ANK2: variants seen among roughly 807,000 people sequenced by gnomAD.
The protein encoded by ANK2 is ankyrin-2.
Under a neutral mutation model 360.5 loss-of-function variants are expected in ANK2, and 83 were observed. The ratio of observed to expected loss-of-function variants is 0.23; its 90% CI spans 0.19 to 0.28. ANK2 has a LOEUF of 0.28. Among genes scored for constraint, ANK2 ranks in the 10% least tolerant of loss-of-function variants. The pLI is 1.00. For synonymous variants in ANK2, 1,740 were observed against 1,759.5 expected (o/e 0.99, Z 0.28); for missense variants, 4,201 against 4,795.7 (o/e 0.88, Z 3.66).
Position 113,286,553 on chromosome 4 carries a change from C to T in ANK2, c.2080-1052C>T, listed in dbSNP as rs114528756. 5.6e-3 allele frequency among the ~76,000 whole-genome samples: 850 copies of T among 152,292 alleles called. 7 individuals carry two copies. The highest frequency in any genetic ancestry group is 0.019 in the African/African-American group (805 of 41,566). ...TTTGAAGAACATGGCTTAGCTTTCT[C>T]AGCCTAAGTGCTAATGCAGGAGAGT... On this transcript the variant is annotated intron_variant, in intron 18 of 45. Coordinates refer to ENST00000357077, the MANE Select transcript of ANK2 (RefSeq NM_001148.6).
intron 2 of ANK2, among the ~76,000 whole-genome samples, chr4:112,993,224 C>T (rs75870428): frequency 0.071 from 10,740 of 152,040 alleles, 916 homozygotes; most frequent in East Asian, 0.25. Context: ...GTCGAGGCTA[C>T]GGTGAGCCAT....
At chr4:112,773,787 A>C in the ANK2 span, among the ~76,000 whole-genome samples, 1 of 151,516 alleles carries the variant, frequency 6.6e-6, no homozygotes, top group Non-Finnish European at 1.5e-5. Context: ...ATTTTATTTT[A>C]TTTTATTTTA....
intron 1 of ANK2, among the ~76,000 whole-genome samples, chr4:113,167,656 A>G (rs1252496671): frequency 6.6e-6 from 1 of 152,182 alleles, no homozygotes; most frequent in Non-Finnish European, 1.5e-5. Context: ...ATACAGAAAA[A>G]TGCATAAATT....
rs141204762 is a variant in ANK2 at position 113,144,857 on chromosome 4, C to A, written c.85-29559C>A. On this transcript the variant is annotated intron_variant, in intron 1 of 45. Coordinates refer to ENST00000357077, the MANE Select transcript of ANK2 (RefSeq NM_001148.6). ...TATATATATATAGTTTTAGAGGAAACCCTAATGGAGGAATAAAGCTTAATC... is the reference window on the plus strand; with the variant it reads ...TATATATATATAGTTTTAGAGGAAAACCTAATGGAGGAATAAAGCTTAATC... 8.1e-5 allele frequency among the ~76,000 whole-genome samples: 12 copies of A among 147,744 alleles called. No individual in the cohort carries two copies. In the East Asian group the frequency reaches 2.3e-3, roughly 29 times the overall value.
intron 33 of ANK2, among the ~76,000 whole-genome samples, chr4:113,342,569 A>G (rs1426255590): frequency 6.6e-6 from 1 of 152,090 alleles, no homozygotes. Flanking sequence ...GCGTGGTGGC[A>G]GATGCCTGTA....
intron 1 of ANK2, among the ~76,000 whole-genome samples, chr4:112,859,532 A>T (rs1179548428): frequency 6.6e-6 from 1 of 152,230 alleles, no homozygotes; most frequent in African/African-American, 2.4e-5. Context: ...TCCAGCCCTC[A>T]GGGAGGAGAG....
At chr4:113,217,688 A>T (rs921344857) in intron 4 of ANK2, among the ~76,000 whole-genome samples, 1 of 152,096 alleles carries the variant, frequency 6.6e-6, no homozygotes, top group Non-Finnish European at 1.5e-5. Flanking sequence ...GGTGGAGCTC[A>T]GGCGGTAATG....
chr4:113,164,033 T>C (rs2097662614), intron 1 of ANK2, among the ~76,000 whole-genome samples: 1 of 152,098 alleles, frequency 6.6e-6, no homozygotes, highest in Non-Finnish European at 1.5e-5. Flanking sequence ...CACTTACCAG[T>C]TTTTCATCTC....
the ANK2 span, among the ~76,000 whole-genome samples, chr4:112,774,774 C>A: frequency 6.6e-6 from 1 of 152,216 alleles, no homozygotes; most frequent in African/African-American, 2.4e-5. Context: ...GAGACCACCA[C>A]ATCATTTAAG....
chr4:113,240,329 C>T (rs1028205856), intron 7 of ANK2, among the ~76,000 whole-genome samples, 156 bp from the exon 8 acceptor site: 2 of 152,082 alleles, frequency 1.3e-5, no homozygotes, highest in Admixed American at 1.3e-4. Flanking sequence ...TAGTTATGTA[C>T]CACCTTATAA....
Position 113,264,969 on chromosome 4 carries a change from G to A in ANK2, c.1459G>A (p.Gly487Ser). ...AGTGGTCCGATGCCTCCTGAGAAATGGTGCCCTTGTTGATGCCAGAGCCAG... is the reference window on the plus strand; with the variant it reads ...AGTGGTCCGATGCCTCCTGAGAAATAGTGCCCTTGTTGATGCCAGAGCCAG... ...VEVVRCLLRN[G>S]ALVDARAREE... Residue 487 changes from glycine (G) to serine (S), a missense_variant, in exon 14 of 46, where the codon GGT becomes AGT. By Grantham distance (56) the Gly-to-Ser change is moderately conservative (BLOSUM62 0). This residue lies in a region of ANK2 where 1,268 missense variants were observed against 1,650.8 expected (regional missense o/e 0.77). Transcript: ENST00000357077. The A allele has an allele frequency of 2.6e-6, 4 of 1,565,784 alleles. No individual in the cohort carries two copies. The highest frequency in any genetic ancestry group is 3.5e-6 in the Non-Finnish European group (4 of 1,154,086).
At chr4:112,954,858 G>A (rs551948964) in intron 2 of ANK2, among the ~76,000 whole-genome samples, 58 of 152,076 alleles carry the variant, frequency 3.8e-4, no homozygotes, top group African/African-American at 1.3e-3. Flanking sequence ...AAAATAATTT[G>A]GAAATATATA....
At chr4:112,787,972 T>A in the ANK2 span, 1 of 640,778 alleles carries the variant, frequency 1.6e-6, no homozygotes, top group African/African-American at 1.8e-5. Flanking sequence ...CATTAATGAT[T>A]AGTGAGTCAT....
intron 1 of ANK2, among the ~76,000 whole-genome samples, chr4:112,872,935 T>A (rs1436820937): frequency 6.6e-6 from 1 of 152,150 alleles, no homozygotes; most frequent in African/African-American, 2.4e-5. Flanking sequence ...TTTCTTCTTT[T>A]ATTATTTTGG....
At chr4:113,205,235 C>CAAAAAAAAA (rs369993364) in intron 4 of ANK2, among the ~76,000 whole-genome samples, 2 of 64,022 alleles carry the variant, frequency 3.1e-5, no homozygotes, top group African/African-American at 1.3e-4. Context: ...GACTCCGTCT[C>CAAAAAAAAA]AAAAAAAAAA....
At chr4:112,916,320 A>G (rs1385630848) in intron 2 of ANK2, among the ~76,000 whole-genome samples, 1 of 152,216 alleles carries the variant, frequency 6.6e-6, no homozygotes, top group African/African-American at 2.4e-5. Flanking sequence ...TAAATGCACT[A>G]TACTAAAGCA....
In ANK2 at chr4:113,342,999, C is replaced by A. The variant is rs1330519218; in HGVS notation, c.4123-18C>A. 6 of 1,613,532 alleles carry A rather than the reference C, an allele frequency of 3.7e-6. No individual in the cohort carries two copies. The African/African-American group carries it at 5.3e-5, about 14-fold the overall frequency. Reference sequence around the variant, plus strand: ...AATTGCAGCTACTTTATTGTTATTTCTCTCTGTTTTCACTCAGGTGTTAGA... The same window carrying A: ...AATTGCAGCTACTTTATTGTTATTTATCTCTGTTTTCACTCAGGTGTTAGA... On this transcript the variant is annotated intron_variant, in intron 33 of 45. Transcript: ENST00000357077.
intron 1 of ANK2, among the ~76,000 whole-genome samples, chr4:113,103,077 G>A (rs961622655): frequency 3.3e-5 from 5 of 150,000 alleles, no homozygotes; most frequent in African/African-American, 9.7e-5. Context: ...AGAAAAACAA[G>A]TATATTTTAA....
At chr4:113,374,108 G>T (rs899605850) in intron 45 of ANK2, among the ~76,000 whole-genome samples, 1 of 152,062 alleles carries the variant, frequency 6.6e-6, no homozygotes, top group African/African-American at 2.4e-5. Context: ...ATTTTTAGTA[G>T]AAACAGCATT....
Sources: gnomAD v4.1 joint callset for allele counts (sites outside exome capture counted in the v4.1 genomes callset) on GRCh38, gnomAD v4.1.1 for gene constraint, gnomAD v4.1.1 regional missense constraint, MANE v1.5 for transcripts, NCBI Gene and HGNC (gene_info 2026-07-23, HGNC 2026-07-21) for gene names.